HOXA3: variants seen among roughly 807,000 people sequenced by gnomAD.
The protein encoded by HOXA3 is homeobox protein Hox-A3.
A neutral mutation model predicts 30.3 loss-of-function variants in HOXA3; 8 were observed. That is an observed-to-expected ratio of 0.26 (90% CI 0.15 to 0.48). The LOEUF (loss-of-function observed/expected upper bound fraction) is 0.48. HOXA3 is among the 20% of genes least tolerant of loss of function. The pLI is 0.99. For synonymous variants in HOXA3, 323 were observed against 273.1 expected, an observed-to-expected ratio of 1.18 and a Z score of -1.80; for missense variants, 653 against 614.4, an observed-to-expected ratio of 1.06 and a Z score of -0.66.
intron 1 of HOXA3, chr7:27,141,673 G>A (rs1400563578): frequency 3.8e-6 from 3 of 791,110 alleles, no homozygotes; most frequent in Non-Finnish European, 6.0e-6. Context: ...TTATACAGGC[G>A]CTATAATGGC....
intron 1 of HOXA3, chr7:27,145,411 C>T (rs1051899784): frequency 8.5e-6 from 5 of 588,230 alleles, no homozygotes; most frequent in African/African-American, 3.7e-5. Flanking sequence ...GTGTGCAGTG[C>T]GCCCCGCTCC....
At chr7:27,114,741 T>TCAGACACACACACACA in intron 4 of HOXA3, among the ~76,000 whole-genome samples, 2 of 8,354 alleles carry the variant, frequency 2.4e-4, no homozygotes, top group Admixed American at 2.0e-3. Flanking sequence ...GAAACCGACA[T>TCAGACACACACACACA]CATACACACA....
intron 1 of HOXA3, chr7:27,147,755 C>T: frequency 6.2e-7 from 1 of 1,601,030 alleles, no homozygotes; most frequent in Non-Finnish European, 8.5e-7. Flanking sequence ...CTCATTTGCG[C>T]GCCCCTCTGC....
intron 4 of HOXA3, among the ~76,000 whole-genome samples, chr7:27,112,691 C>T (rs553754817): frequency 6.6e-6 from 1 of 152,282 alleles, no homozygotes; most frequent in East Asian, 1.9e-4. Flanking sequence ...CAATGTCTGC[C>T]ATTACAAATT....
chr7:27,145,874 G>A (rs1459770823), intron 1 of HOXA3: 1 of 1,614,100 alleles, frequency 6.2e-7, no homozygotes, highest in Admixed American at 1.7e-5. Context: ...GGTAGCGCGT[G>A]TAGGTCTGGC....
chr7:27,131,035 T>C (rs1490886854), intron 2 of HOXA3, among the ~76,000 whole-genome samples: 1 of 152,190 alleles, frequency 6.6e-6, no homozygotes, highest in East Asian at 1.9e-4. Flanking sequence ...GATGCTGCTG[T>C]CCGGCCCCTG....
chr7:27,142,222 C>T (rs1782597008), intron 1 of HOXA3: 7 of 848,360 alleles, frequency 8.3e-6, no homozygotes, highest in South Asian at 1.8e-5. Flanking sequence ...ACACCCCTCC[C>T]GAATTTCCTT....
rs929160058 is a variant in HOXA3 at position 27,110,266 on chromosome 7, G to A, written c.375C>T (p.Ala125=). 9.9e-6 allele frequency: 16 copies of A among 1,612,546 alleles called. No individual in the cohort carries two copies. The highest frequency in any genetic ancestry group is 6.7e-5 in the East Asian group (3 of 44,874). The part of the protein sequence containing the change: ...TPAAPPPPSS[A]SPPQNASNNP... ...TGTTGCTGGCATTCTGAGGAGGGGA[G>A]GCAGAAGAGGGAGGCGGGGGCGCGG... is the stretch of plus-strand genomic sequence containing the variant. Residue 125 remains alanine, a synonymous_variant, in exon 5 of 6, where the codon GCC becomes GCT. Coordinates refer to ENST00000612286, the MANE Select transcript of HOXA3 (RefSeq NM_153631.3).
At chr7:27,145,788 G>A in intron 1 of HOXA3, 2 of 1,614,262 alleles carry the variant, frequency 1.2e-6, no homozygotes, top group Non-Finnish European at 1.7e-6. Flanking sequence ...GAGGCAGAGC[G>A]CGTTGGCGAT....
At chr7:27,135,903 C>T (rs1038411401) in intron 2 of HOXA3, among the ~76,000 whole-genome samples, 2 of 152,050 alleles carry the variant, frequency 1.3e-5, no homozygotes, top group Non-Finnish European at 1.5e-5. Context: ...AGAATGGGAG[C>T]GATAATTCAA....
intron 4 of HOXA3, chr7:27,115,999 G>A (rs1223259998): frequency 6.6e-6 from 1 of 152,660 alleles, no homozygotes; most frequent in Non-Finnish European, 1.5e-5. Context: ...TTGGTGTTTT[G>A]TTTTTTAAGC....
At position 27,113,917 on chromosome 7, in the gene HOXA3, C is replaced by G. The variant is rs1022860451; in HGVS notation, c.-120-3157G>C. The G allele has an allele frequency of 1.3e-5, 2 of 151,430 alleles. No individual in the cohort carries two copies. The highest frequency in any genetic ancestry group is 6.6e-5 in the Admixed American group (1 of 15,248). The allele number at this position is 151,430 out of a possible 1,614,324, so 9.4% of individuals were successfully genotyped here. On this transcript the variant is annotated intron_variant, in intron 4 of 5. Coordinates refer to ENST00000612286, the MANE Select transcript of HOXA3 (RefSeq NM_153631.3). The surrounding 1 kb of genome is among the most constrained non-coding windows in gnomAD (Gnocchi z 4.8). ...CCACACCCCCGCCCCCTGCCCTTCC[C>G]GAGGGCAGCAGCCGCGGCCCGGAGA... is the stretch of plus-strand genomic sequence containing the variant.
intron 1 of HOXA3, 159 bp from the exon 2 acceptor site, chr7:27,140,345 T>C (rs1782522447): frequency 6.6e-6 from 1 of 152,228 alleles, no homozygotes; most frequent in Non-Finnish European, 1.5e-5. Flanking sequence ...TGGATGATTT[T>C]ACGATCTAAT....
intron 1 of HOXA3, among the ~76,000 whole-genome samples, chr7:27,146,088 C>T (rs1253524688): frequency 1.3e-5 from 2 of 152,200 alleles, no homozygotes; most frequent in East Asian, 3.9e-4. Context: ...TATTTCATAC[C>T]AAGCGAGATG....
At chr7:27,114,059 G>C (rs1365616615) in intron 4 of HOXA3, 2 of 151,882 alleles carry the variant, frequency 1.3e-5, no homozygotes, top group African/African-American at 4.8e-5. Context: ...GGGGGTGTTG[G>C]GGCGGGCGGG....
chr7:27,124,817 A>G (rs1414675011), intron 3 of HOXA3, among the ~76,000 whole-genome samples: 1 of 152,078 alleles, frequency 6.6e-6, no homozygotes, highest in Admixed American at 6.5e-5. Flanking sequence ...GGGCACATTC[A>G]TCCTTGCCCT....
At chr7:27,145,211 C>T (rs968327589) in intron 1 of HOXA3, among the ~76,000 whole-genome samples, 1 of 152,212 alleles carries the variant, frequency 6.6e-6, no homozygotes, top group African/African-American at 2.4e-5. Context: ...TCGGGACTTA[C>T]TGGCGAGGGA....
At chr7:27,147,597 C>A in intron 1 of HOXA3, 1 of 1,614,192 alleles carries the variant, frequency 6.2e-7, no homozygotes, top group Non-Finnish European at 8.5e-7. Flanking sequence ...GTGAGGTGTA[C>A]GTCTTGTCCG....
intron 1 of HOXA3, among the ~76,000 whole-genome samples, chr7:27,143,819 T>C (rs1483693966): frequency 2.0e-5 from 3 of 152,068 alleles, no homozygotes; most frequent in African/African-American, 4.8e-5. Flanking sequence ...GGTAAACTCG[T>C]GCACTAATAG....
Sources: allele counts gnomAD v4.1 joint callset (sites outside exome capture counted in the v4.1 genomes callset), GRCh38; gene constraint gnomAD v4.1.1; non-coding constraint Gnocchi (gnomAD v3.1); transcripts MANE v1.5; gene names NCBI Gene and HGNC (gene_info 2026-07-23, HGNC 2026-07-21).